Variants in ZBTB20 observed in about 807,000 individuals in gnomAD.
ZBTB20 encodes zinc finger and BTB domain containing 20.
ZBTB20 carries 9 observed loss-of-function variants against 56.9 expected under a neutral mutation model. That is an observed-to-expected ratio of 0.16 (90% CI 0.10 to 0.28). ZBTB20 has a LOEUF of 0.28. Among genes scored for constraint, ZBTB20 ranks in the 10% least tolerant of loss-of-function variants. ZBTB20 has a pLI of 1.00. For missense variants in ZBTB20, 655 were observed against 1,003.0 expected (o/e 0.65, Z 4.69); for synonymous variants, 417 against 420.7 (o/e 0.99, Z 0.11).
intron 8 of ZBTB20, among the ~76,000 whole-genome samples, chr3:114,386,675 AG>A (rs1321831110): frequency 6.6e-6 from 1 of 152,156 alleles, no homozygotes; most frequent in Non-Finnish European, 1.5e-5. Flanking sequence ...TTCAAAGGGA[AG>A]CCCAAGGACA....
At chr3:114,489,700 G>A (rs2042519603) in intron 7 of ZBTB20, among the ~76,000 whole-genome samples, 1 of 152,014 alleles carries the variant, frequency 6.6e-6, no homozygotes, top group African/African-American at 2.4e-5. Context: ...TTCACAATAA[G>A]TGTGAATTAT....
chr3:114,591,162 T>C (rs1577809141), intron 6 of ZBTB20, among the ~76,000 whole-genome samples: 2 of 152,332 alleles, frequency 1.3e-5, no homozygotes, highest in African/African-American at 2.4e-5. Flanking sequence ...TAAATTTGTT[T>C]GGAGGGGTTT....
rs190862465 is a variant in ZBTB20 at position 114,659,616 on chromosome 3, T to G, written c.-295+33912A>C. ...TTATGCCTTATGCTGGAGTCAGAAC[T>G]TACTTGGTCCCTTGTTCTTTGCCCT... On this transcript the variant is annotated intron_variant, in intron 6 of 11. Coordinates refer to ENST00000675478, the MANE Select transcript of ZBTB20 (RefSeq NM_001348800.3). 1.1e-3 allele frequency among the ~76,000 whole-genome samples: 175 copies of G among 152,282 alleles called. 1 individual carries two copies. The highest frequency in any genetic ancestry group is 3.6e-3 in the African/African-American group (150 of 41,570).
At chr3:114,779,385 GA>G (rs923123821) in intron 5 of ZBTB20, among the ~76,000 whole-genome samples, 25 of 152,176 alleles carry the variant, frequency 1.6e-4, no homozygotes, top group African/African-American at 5.8e-4. Flanking sequence ...AGAGGGTTGA[GA>G]ACATTCTTTT....
Position 114,753,528 on chromosome 3 carries a change from G to C in ZBTB20, c.-343+47573C>G, listed in dbSNP as rs527319205. Among the ~76,000 whole-genome samples the C allele has an allele frequency of 4.2e-4, 64 of 151,132 alleles. 2 individuals carry two copies. The South Asian group carries it at 0.013, about 31-fold the overall frequency. On this transcript the variant is annotated intron_variant, in intron 5 of 11. Transcript: ENST00000675478. Reference sequence around the variant, plus strand: ...CAGCTCACTGCAACCTCCGCCTCCCGAGTTCAAGCGATTCTCCTGCTTCAG... The same window carrying C: ...CAGCTCACTGCAACCTCCGCCTCCCCAGTTCAAGCGATTCTCCTGCTTCAG...
intron 6 of ZBTB20, among the ~76,000 whole-genome samples, chr3:114,555,928 T>C (rs1249717236): frequency 6.6e-6 from 1 of 152,142 alleles, no homozygotes; most frequent in African/African-American, 2.4e-5. Context: ...CTTAAGCAGC[T>C]TGAAACTGGA....
At chr3:115,146,738 G>T (rs901760158) in intron 1 of ZBTB20, among the ~76,000 whole-genome samples, 1 of 152,122 alleles carries the variant, frequency 6.6e-6, no homozygotes, top group Non-Finnish European at 1.5e-5. Context: ...GGCGAGGAGG[G>T]AGGGGGCAGA....
intron 4 of ZBTB20, among the ~76,000 whole-genome samples, chr3:114,837,645 G>A (rs530955959): frequency 2.6e-5 from 4 of 152,168 alleles, no homozygotes; most frequent in Non-Finnish European, 4.4e-5. Context: ...AGAGCAATCC[G>A]GGAGAGAGTG....
intron 5 of ZBTB20, among the ~76,000 whole-genome samples, chr3:114,742,184 T>C (rs2066648779): frequency 1.3e-5 from 2 of 152,186 alleles, no homozygotes; most frequent in African/African-American, 4.8e-5. Flanking sequence ...ATTTGTTGTA[T>C]GTTTCAAGTT....
At chr3:114,992,410 A>G (rs2078854843) in intron 2 of ZBTB20, among the ~76,000 whole-genome samples, 1 of 152,042 alleles carries the variant, frequency 6.6e-6, no homozygotes, top group African/African-American at 2.4e-5. Flanking sequence ...ACAGAGTTGT[A>G]TCTCTCTTTC....
chr3:114,350,343 C>G lies in ZBTB20; in HGVS notation c.1735G>C (p.Glu579Gln). Residue 579 changes from glutamate (E) to glutamine (Q), a missense_variant, in exon 11 of 12, where the codon GAG becomes CAG. Physicochemically the swap from Glu to Gln is conservative, Grantham distance 29. Transcript: ENST00000675478. ...ASGQGEKKPY[E>Q]CTLCNKTFTA... The stretch of plus-strand genomic sequence containing the variant: ...AAAGTCTTGTTGCAGAGAGTGCACT[C>G]ATAAGGCTTTTTTTCGCCTTGCCCA... The G allele has an allele frequency of 6.2e-7, 1 of 1,614,180 alleles. No individual in the cohort carries two copies. Among genetic ancestry groups the G allele is most frequent in the South Asian group, 1.1e-5 (1 of 91,080 alleles).
At position 114,411,772 on chromosome 3, in the gene ZBTB20, T is replaced by C. The variant is rs183085820; in HGVS notation, c.-254-22667A>G. Among the ~76,000 whole-genome samples the C allele has an allele frequency of 1.6e-4, 25 of 152,236 alleles. No individual in the cohort carries two copies. The East Asian group carries it at 4.5e-3, about 27-fold the overall frequency. On this transcript the variant is annotated intron_variant, in intron 7 of 11. Transcript: ENST00000675478. Reference sequence around the variant, plus strand: ...TGTAAGGTACAGATGCTACTGAGTTTGTTAAAATAATATTGAAGCACATTT... The same window carrying C: ...TGTAAGGTACAGATGCTACTGAGTTCGTTAAAATAATATTGAAGCACATTT...
At chr3:114,889,898 A>G (rs2107623641) in intron 4 of ZBTB20, among the ~76,000 whole-genome samples, 1 of 152,314 alleles carries the variant, frequency 6.6e-6, no homozygotes, top group East Asian at 1.9e-4. Context: ...ACATGGTTTC[A>G]GAATAGCATT....
chr3:114,386,273 T>G (rs890511026), intron 8 of ZBTB20, among the ~76,000 whole-genome samples: 2 of 152,244 alleles, frequency 1.3e-5, no homozygotes, highest in Admixed American at 6.5e-5. Flanking sequence ...TTTCTCAATC[T>G]TATTTTTTTT....
chr3:114,826,939 T>C (rs1025452384), intron 4 of ZBTB20, among the ~76,000 whole-genome samples: 11 of 151,676 alleles, frequency 7.3e-5, no homozygotes, highest in African/African-American at 2.7e-4. Context: ...AAGGTATGTA[T>C]GTTGTAGCCC....
chr3:114,619,335 C>A (rs867375607), intron 6 of ZBTB20, among the ~76,000 whole-genome samples: 1 of 151,600 alleles, frequency 6.6e-6, no homozygotes, highest in South Asian at 2.1e-4. Flanking sequence ...AGAGAGTGAG[C>A]AGGGAAAATA....
chr3:114,714,603 T>TC (rs2064330033), intron 5 of ZBTB20, among the ~76,000 whole-genome samples: 1 of 151,924 alleles, frequency 6.6e-6, no homozygotes, highest in Non-Finnish European at 1.5e-5. Flanking sequence ...TTCTTCTTCA[T>TC]CATCTTCTTT....
At chr3:114,986,650 T>C (rs769285629) in intron 2 of ZBTB20, among the ~76,000 whole-genome samples, 3 of 152,176 alleles carry the variant, frequency 2.0e-5, no homozygotes, top group Non-Finnish European at 4.4e-5. Context: ...AATTGGAATA[T>C]ACCTTTATCC....
At chr3:115,101,623 C>T (rs1050350745) in intron 1 of ZBTB20, among the ~76,000 whole-genome samples, 1 of 152,088 alleles carries the variant, frequency 6.6e-6, no homozygotes, top group African/African-American at 2.4e-5. Flanking sequence ...TATTTCTATA[C>T]AGTTTGGCTA....
Sources: allele counts gnomAD v4.1 joint callset (sites outside exome capture counted in the v4.1 genomes callset), GRCh38; gene constraint gnomAD v4.1.1; transcripts MANE v1.5; gene names NCBI Gene and HGNC (gene_info 2026-07-23, HGNC 2026-07-21).